The following MBOAT1 variants were observed in gnomAD, a reference collection of about 807,000 sequenced individuals.
MBOAT1 encodes the protein membrane bound glycerophospholipid O-acyltransferase 1.
MBOAT1 carries 67 observed loss-of-function variants against 64.4 expected under a neutral mutation model. The observed-to-expected ratio is 1.04, with a 90% CI of 0.85 to 1.27. The LOEUF (loss-of-function observed/expected upper bound fraction) is 1.27, where lower values mean the gene tolerates loss of function less well. Among genes scored for constraint, MBOAT1 ranks in the 50% most tolerant of loss-of-function variants. MBOAT1 has a pLI of 0.00. For synonymous variants in MBOAT1, 229 were observed against 218.9 expected (o/e 1.05, Z -0.41); for missense variants, 563 against 604.6 (o/e 0.93, Z 0.72).
At position 20,101,059 on chromosome 6, in the gene MBOAT1, A is replaced by G. The variant is rs1341314681; in HGVS notation, c.*1227T>C. On this transcript the variant is annotated 3_prime_UTR_variant, in exon 13 of 13. Transcript: ENST00000324607. ...ATCAGCCCATGTGTACATCACGGCC[A>G]GCCATGATCATTAACACCTCCATGA... Among the ~76,000 whole-genome samples, 1 of 152,186 alleles carries G rather than the reference A, an allele frequency of 6.6e-6. No homozygotes were observed.
rs1763455373 is a variant in MBOAT1 at position 20,212,207 on chromosome 6, G to C, written c.28C>G (p.Leu10Val). Residue 10 changes from leucine (L) to valine (V), a missense_variant, in exon 1 of 13, where the codon CTT becomes GTT. By Grantham distance (32) the Leu-to-Val change is conservative. Transcript: ENST00000324607. ...GTGGAGCCCGTGGTGCGGTAGGAAA[G>C]GCTGGACGGCTGCGGCTCTGCTGCC... is the stretch of plus-strand genomic sequence containing the variant. MAAEPQPSS[L>V]SYRTTGSTYL... 5.6e-6 allele frequency: 9 copies of C among 1,613,028 alleles called. No individual in the cohort carries two copies. Among genetic ancestry groups the C allele is most frequent in the Non-Finnish European group, 7.6e-6 (9 of 1,179,844 alleles).
chr6:20,184,166 GGAA>G (rs1762583205), intron 1 of MBOAT1, among the ~76,000 whole-genome samples: 1 of 152,178 alleles, frequency 6.6e-6, no homozygotes. Flanking sequence ...TCTTTGGACA[GGAA>G]CTCAAAGCAA....
At chr6:20,168,506 A>G (rs1330456096) in intron 1 of MBOAT1, among the ~76,000 whole-genome samples, 1 of 130,478 alleles carries the variant, frequency 7.7e-6, no homozygotes, top group East Asian at 2.1e-4. Context: ...AGAGAGAGAG[A>G]GGAGAGGAGA....
intron 1 of MBOAT1, among the ~76,000 whole-genome samples, chr6:20,175,603 C>T (rs1376381429): frequency 1.3e-5 from 2 of 151,666 alleles, no homozygotes; most frequent in Non-Finnish European, 2.9e-5. Flanking sequence ...CACGTCGCCA[C>T]GCCTGGCTAT....
At chr6:20,202,316 T>G (rs1763144816) in intron 1 of MBOAT1, among the ~76,000 whole-genome samples, 1 of 151,926 alleles carries the variant, frequency 6.6e-6, no homozygotes, top group African/African-American at 2.4e-5. Context: ...CTTGCTCTTC[T>G]CCAAATTACA....
intron 1 of MBOAT1, among the ~76,000 whole-genome samples, chr6:20,206,568 A>C (rs1213884067): frequency 2.0e-5 from 3 of 152,204 alleles, no homozygotes; most frequent in African/African-American, 7.2e-5. Flanking sequence ...GGATGCATGC[A>C]GAGGCATGGG....
chr6:20,158,345 T>C (rs1761757166), intron 1 of MBOAT1, among the ~76,000 whole-genome samples: 1 of 152,146 alleles, frequency 6.6e-6, no homozygotes, highest in Non-Finnish European at 1.5e-5. Context: ...TTTCAATAAA[T>C]GGTGTTGGGA....
At chr6:20,158,160 A>G (rs1256599421) in intron 1 of MBOAT1, among the ~76,000 whole-genome samples, 1 of 45,336 alleles carries the variant, frequency 2.2e-5, no homozygotes, top group Non-Finnish European at 4.6e-5. Context: ...TGACTCAAAA[A>G]AAAAAAGAAA....
In MBOAT1 at chr6:20,164,791, G is replaced by A. The variant is rs563130892; in HGVS notation, c.100-12022C>T. Among the ~76,000 whole-genome samples the A allele has an allele frequency of 4.6e-5, 7 of 152,252 alleles. No individual in the cohort carries two copies. In the East Asian group the frequency reaches 7.7e-4, roughly 17 times the overall value. On this transcript the variant is annotated intron_variant, in intron 1 of 12. Coordinates refer to ENST00000324607, the MANE Select transcript of MBOAT1 (RefSeq NM_001080480.3). Reference sequence around the variant, plus strand: ...GTCCCTGACTTATTTATGATGGTTCGACTTACGATTTTTCAACTTTAAGAT... The same window carrying A: ...GTCCCTGACTTATTTATGATGGTTCAACTTACGATTTTTCAACTTTAAGAT...
At chr6:20,141,110 G>C (rs992676309) in intron 4 of MBOAT1, among the ~76,000 whole-genome samples, 1 of 152,136 alleles carries the variant, frequency 6.6e-6, no homozygotes, top group Non-Finnish European at 1.5e-5. Flanking sequence ...AGTGATCTTT[G>C]AGCTGAGTTT....
chr6:20,197,452 C>G (rs1421239969), intron 1 of MBOAT1, among the ~76,000 whole-genome samples: 1 of 152,176 alleles, frequency 6.6e-6, no homozygotes, highest in African/African-American at 2.4e-5. Flanking sequence ...CCTCTGCCCA[C>G]GTGACACAAA....
At position 20,124,581 on chromosome 6, in the gene MBOAT1, A is replaced by G. The variant is rs781697474; in HGVS notation, c.734T>C (p.Leu245Ser). ...PSPTGAVIHKLGITLVSLLLF... is the reference protein window; with the variant it reads ...PSPTGAVIHKSGITLVSLLLF... ...AAGGAGAGACACCAAGGTGATGCCCAACTTGTGTATCACAGCTCCCTGAAA... is the reference window on the plus strand; with the variant it reads ...AAGGAGAGACACCAAGGTGATGCCCGACTTGTGTATCACAGCTCCCTGAAA... The change falls in exon 8 of 13, where the codon TTG becomes TCG. Residue 245 changes from leucine (L) to serine (S), a missense_variant. Leu to Ser is a moderately radical substitution (Grantham distance 145). Transcript: ENST00000324607. 1.2e-6 allele frequency: 2 copies of G among 1,614,170 alleles called. No individual in the cohort carries two copies. Among genetic ancestry groups the G allele is most frequent in the South Asian group, 2.2e-5 (2 of 91,078 alleles).
At chr6:20,140,492 G>C (rs1761138043) in intron 4 of MBOAT1, among the ~76,000 whole-genome samples, 1 of 152,226 alleles carries the variant, frequency 6.6e-6, no homozygotes. Context: ...ACCCTCGTCA[G>C]TGTGGAAGAC....
intron 11 of MBOAT1, among the ~76,000 whole-genome samples, chr6:20,112,058 G>A (rs1760187208): frequency 6.7e-6 from 1 of 150,312 alleles, no homozygotes; most frequent in Non-Finnish European, 1.5e-5. Context: ...GCTATGTGGG[G>A]GCTCCTGAAT....
chr6:20,186,276 G>C (rs1762650505), intron 1 of MBOAT1, among the ~76,000 whole-genome samples: 1 of 152,220 alleles, frequency 6.6e-6, no homozygotes, highest in East Asian at 1.9e-4. Flanking sequence ...TATGCAACAT[G>C]TAGGAACAAA....
At chr6:20,211,274 A>C (rs529805779) in intron 1 of MBOAT1, among the ~76,000 whole-genome samples, 1 of 152,310 alleles carries the variant, frequency 6.6e-6, no homozygotes, top group African/African-American at 2.4e-5. Flanking sequence ...ACCAGGCAAA[A>C]AAGCATGAAA....
At chr6:20,144,734 C>T (rs1374442804) in intron 3 of MBOAT1, among the ~76,000 whole-genome samples, 10 of 152,220 alleles carry the variant, frequency 6.6e-5, no homozygotes, top group Admixed American at 6.5e-4. Context: ...CAAATCATCA[C>T]CATACTGCTG....
chr6:20,102,473 C>A, intron 12 of MBOAT1, 61 bp from the exon 13 acceptor site: 1 of 1,388,728 alleles, frequency 7.2e-7, no homozygotes, highest in Non-Finnish European at 1.0e-6. Context: ...GAAACACCAC[C>A]TAATTATATC....
chr6:20,144,406 G>A (rs1202195), intron 3 of MBOAT1, 91 bp from the exon 4 acceptor site: 861,421 of 861,672 alleles, frequency 1, 430,585 homozygotes, highest in Middle Eastern at 1. Flanking sequence ...CATCCTTCAC[G>A]TGCAGTTGGT....
Sources: allele counts gnomAD v4.1 joint callset (sites outside exome capture counted in the v4.1 genomes callset), GRCh38; gene constraint gnomAD v4.1.1; transcripts MANE v1.5; gene names NCBI Gene and HGNC (gene_info 2026-07-23, HGNC 2026-07-21).